The following TENM3 variants were observed in gnomAD, a reference collection of about 807,000 sequenced individuals.
TENM3 encodes teneurin-3.
TENM3 carries 63 observed loss-of-function variants against 255.1 expected under a neutral mutation model. The observed-to-expected ratio is 0.25, with a 90% CI of 0.20 to 0.30. The LOEUF is 0.30. TENM3 is among the 10% of genes least tolerant of loss of function. The probability of loss-of-function intolerance (pLI) is 1.00; values close to 1 mark genes in which losing one functional copy is unlikely to be tolerated. For missense variants in TENM3, 2,929 were observed against 3,461.1 expected (o/e 0.85, Z 3.86); for synonymous variants, 1,306 against 1,322.3 (o/e 0.99, Z 0.27).
In TENM3 at chr4:182,672,734, A is replaced by G. The variant is rs117378592; in HGVS notation, c.1112-271A>G. Among the ~76,000 whole-genome samples the G allele has an allele frequency of 2.4e-3, 368 of 152,370 alleles. 2 individuals carry two copies. Among genetic ancestry groups the G allele is most frequent in the Admixed American group, 0.016 (252 of 15,304 alleles). ...TGTTTCAAGTGAACAGAAAGACTGTAGGTGTGAAAACAGCTTTAGTAATGG... is the reference window on the plus strand; with the variant it reads ...TGTTTCAAGTGAACAGAAAGACTGTGGGTGTGAAAACAGCTTTAGTAATGG... On this transcript the variant is annotated intron_variant, in intron 6 of 27. Transcript: ENST00000511685.
the TENM3 span, among the ~76,000 whole-genome samples, chr4:182,015,375 G>A: frequency 6.6e-6 from 1 of 152,292 alleles, no homozygotes; most frequent in South Asian, 2.1e-4. Context: ...AGAGATGGAG[G>A]AAAGAAAGGT....
At chr4:181,760,327 A>T in the TENM3 span, among the ~76,000 whole-genome samples, 1 of 152,162 alleles carries the variant, frequency 6.6e-6, no homozygotes, top group African/African-American at 2.4e-5. Context: ...CCCCTTAAAC[A>T]TGACACTTTT....
At chr4:181,676,861 A>G in the TENM3 span, among the ~76,000 whole-genome samples, 4 of 152,094 alleles carry the variant, frequency 2.6e-5, no homozygotes, top group African/African-American at 7.2e-5. Flanking sequence ...AGATCATTCA[A>G]TCTGGGAGGC....
chr4:182,085,568 C>T, the TENM3 span, among the ~76,000 whole-genome samples: 1 of 151,966 alleles, frequency 6.6e-6, no homozygotes, highest in Non-Finnish European at 1.5e-5. Flanking sequence ...TAAAAATGTG[C>T]CTATCTATTA....
the TENM3 span, among the ~76,000 whole-genome samples, chr4:181,873,959 A>C: frequency 6.6e-6 from 1 of 151,954 alleles, no homozygotes; most frequent in Admixed American, 6.6e-5. Context: ...TAATTTTTGT[A>C]TTTTTAATAG....
chr4:182,397,300 C>T (rs112866438), intron 3 of TENM3, among the ~76,000 whole-genome samples: 3 of 142,198 alleles, frequency 2.1e-5, no homozygotes, highest in Non-Finnish European at 4.5e-5. Context: ...ACTTGGGAGG[C>T]TGAGGCAGGA....
chr4:182,224,525 T>C (rs762563941), intron 1 of TENM3, among the ~76,000 whole-genome samples: 4 of 152,156 alleles, frequency 2.6e-5, no homozygotes, highest in Non-Finnish European at 5.9e-5. Context: ...ATTTCAAAAT[T>C]ATTGTTATTT....
the TENM3 span, chr4:181,523,145 A>G: frequency 1.9e-5 from 7 of 371,132 alleles, no homozygotes; most frequent in Non-Finnish European, 3.7e-5. Context: ...TGAAGCCTGT[A>G]CTCAATATAT....
chr4:182,428,416 C>G (rs1321918584), intron 3 of TENM3, among the ~76,000 whole-genome samples: 2 of 152,010 alleles, frequency 1.3e-5, no homozygotes, highest in Non-Finnish European at 1.5e-5. Flanking sequence ...GCTTCTCCTG[C>G]TTACGCCACC....
the TENM3 span, among the ~76,000 whole-genome samples, chr4:181,458,061 T>C: frequency 2.0e-5 from 3 of 152,102 alleles, no homozygotes; most frequent in East Asian, 1.9e-4. Context: ...CACTGTAAGA[T>C]GTCCTAAAGT....
chr4:181,498,152 T>C, the TENM3 span, among the ~76,000 whole-genome samples: 1 of 152,128 alleles, frequency 6.6e-6, no homozygotes, highest in Non-Finnish European at 1.5e-5. Context: ...GAATATAATC[T>C]AACAAGAATA....
the TENM3 span, among the ~76,000 whole-genome samples, chr4:181,781,829 G>A: frequency 4.6e-5 from 7 of 152,170 alleles, no homozygotes; most frequent in African/African-American, 1.7e-4. Flanking sequence ...TTAGCATGAA[G>A]GGCTGTTGAA....
intron 3 of TENM3, among the ~76,000 whole-genome samples, chr4:182,571,903 G>A (rs2152022538): frequency 6.6e-6 from 1 of 150,466 alleles, no homozygotes. Flanking sequence ...ACTGTTTATT[G>A]TTGTTGTTGT....
intron 13 of TENM3, among the ~76,000 whole-genome samples, chr4:182,724,063 A>G (rs914647948): frequency 3.3e-5 from 5 of 152,242 alleles, no homozygotes; most frequent in African/African-American, 1.2e-4. Context: ...TCTACTTTAC[A>G]TCAGAGTACC....
chr4:182,241,743 G>T (rs531812182), upstream of TENM3, among the ~76,000 whole-genome samples: 2 of 151,838 alleles, frequency 1.3e-5, no homozygotes, highest in African/African-American at 4.8e-5. Context: ...TCCTGACCTC[G>T]TGATCCACCT....
At chr4:182,082,916 A>G in the TENM3 span, among the ~76,000 whole-genome samples, 3 of 152,238 alleles carry the variant, frequency 2.0e-5, no homozygotes, top group Admixed American at 6.5e-5. Flanking sequence ...CCTTGGCAAC[A>G]TAATATACTA....
At chr4:182,055,450 T>A in the TENM3 span, among the ~76,000 whole-genome samples, 1 of 152,306 alleles carries the variant, frequency 6.6e-6, no homozygotes, top group East Asian at 1.9e-4. Flanking sequence ...TTAAGCTCAT[T>A]TATCTCACTT....
At chr4:181,601,451 G>A in the TENM3 span, among the ~76,000 whole-genome samples, 1 of 152,144 alleles carries the variant, frequency 6.6e-6, no homozygotes, top group Non-Finnish European at 1.5e-5. Context: ...CTCCTTGGCT[G>A]GCAGACGGTT....
At chr4:182,478,953 T>G (rs1733936555) in intron 3 of TENM3, among the ~76,000 whole-genome samples, 1 of 152,024 alleles carries the variant, frequency 6.6e-6, no homozygotes, top group Non-Finnish European at 1.5e-5. Flanking sequence ...GTTGGCTAAA[T>G]TTTATTGGAT....
Sources: allele counts gnomAD v4.1 joint callset (sites outside exome capture counted in the v4.1 genomes callset), GRCh38; gene constraint gnomAD v4.1.1; transcripts MANE v1.5; gene names NCBI Gene and HGNC (gene_info 2026-07-23, HGNC 2026-07-21).